The following NAALADL2 variants were observed in gnomAD, a reference collection of about 807,000 sequenced individuals.
The protein encoded by NAALADL2 is N-acetylated alpha-linked acidic dipeptidase like 2, also known as inactive N-acetylated-alpha-linked acidic dipeptidase-like protein 2.
In NAALADL2, 76 loss-of-function variants were observed where a neutral mutation model predicts 87.2. That is an observed-to-expected ratio of 0.87 (90% CI 0.72 to 1.05). NAALADL2 has a LOEUF of 1.05. NAALADL2 is among the 50% of genes least tolerant of loss of function. The probability of loss-of-function intolerance (pLI) is 0.00; values close to 1 mark genes in which losing one functional copy is unlikely to be tolerated. For synonymous variants in NAALADL2, 354 were observed against 331.0 expected (o/e 1.07, Z -0.75); for missense variants, 1,089 against 945.8 (o/e 1.15, Z -1.99).
intron 11 of NAALADL2, among the ~76,000 whole-genome samples, chr3:175,661,667 G>T (rs1300303691): frequency 6.6e-6 from 1 of 151,858 alleles, no homozygotes; most frequent in East Asian, 1.9e-4. Flanking sequence ...GTTGATATTT[G>T]TGTATATGGT....
At chr3:175,193,452 G>T (rs1738508421) in intron 2 of NAALADL2, among the ~76,000 whole-genome samples, 1 of 151,598 alleles carries the variant, frequency 6.6e-6, no homozygotes, top group East Asian at 1.9e-4. Flanking sequence ...CTACTTTCAG[G>T]CCAAAAAATG....
intron 1 of NAALADL2, among the ~76,000 whole-genome samples, chr3:174,996,365 C>T (rs886432684): frequency 1.3e-5 from 2 of 151,832 alleles, no homozygotes; most frequent in African/African-American, 4.8e-5. Flanking sequence ...GGCGTGGTGG[C>T]AGGTGCCTGT....
intron 1 of NAALADL2, among the ~76,000 whole-genome samples, chr3:174,897,121 G>A (rs142414065): frequency 2.6e-4 from 39 of 152,224 alleles, no homozygotes; most frequent in African/African-American, 8.9e-4. Context: ...GACTTTTTGA[G>A]CAATACCCCA....
Position 175,302,425 on chromosome 3 carries a change from T to G in NAALADL2, c.940-21750T>G, listed in dbSNP as rs1335168719. Reference sequence around the variant, plus strand: ...TTTACAATAATAATTATGATTCATCTGGCACTCTAGTAAACTTTTTCAATA... The same window carrying G: ...TTTACAATAATAATTATGATTCATCGGGCACTCTAGTAAACTTTTTCAATA... On this transcript the variant is annotated intron_variant, in intron 4 of 13. Transcript: ENST00000454872. Among the ~76,000 whole-genome samples the G allele has an allele frequency of 2.0e-5, 3 of 152,194 alleles. No homozygotes were observed. In the South Asian group the frequency reaches 6.2e-4, roughly 32 times the overall value.
Position 175,729,377 on chromosome 3 carries a change from G to T in NAALADL2, c.1897-7929G>T, listed in dbSNP as rs1561046598. On this transcript the variant is annotated intron_variant, in intron 11 of 13. Transcript: ENST00000454872. ...GCATGTGTTAAAGTGAATTAACAAT[G>T]GCCTGAGAAGGACTCTGTACTTCTA... Among the ~76,000 whole-genome samples the T allele has an allele frequency of 2.0e-5, 3 of 152,112 alleles. No homozygotes were observed. In the East Asian group the frequency reaches 5.8e-4, roughly 29 times the overall value.
At chr3:175,534,820 A>G (rs1734584417) in intron 9 of NAALADL2, among the ~76,000 whole-genome samples, 2 of 151,992 alleles carry the variant, frequency 1.3e-5, no homozygotes, top group African/African-American at 4.8e-5. Flanking sequence ...TCTTAGAGTC[A>G]GGTTTGTTCC....
In NAALADL2 at chr3:175,090,848, A is replaced by G. The variant is rs546802312; in HGVS notation, c.44-5942A>G. On this transcript the variant is annotated intron_variant, in intron 1 of 13. Transcript: ENST00000454872. ...ATCCTATTTAATCTATTAGTGAAGC[A>G]TGAGCAACAAATAATTATTTCTTTT... 2.6e-4 allele frequency among the ~76,000 whole-genome samples: 28 copies of G among 106,858 alleles called. No homozygotes were observed. In the South Asian group the frequency reaches 7.4e-3, roughly 28 times the overall value. 70.1% of individuals were successfully genotyped at this position (106,858 alleles called of 152,430 possible).
intron 1 of NAALADL2, among the ~76,000 whole-genome samples, chr3:174,457,070 A>G (rs192775056): frequency 6.6e-6 from 1 of 152,294 alleles, no homozygotes; most frequent in African/African-American, 2.4e-5. Context: ...TTCAAAAGAT[A>G]GGATACATAT....
chr3:174,533,827 G>A (rs1376861126), intron 1 of NAALADL2, among the ~76,000 whole-genome samples: 1 of 152,044 alleles, frequency 6.6e-6, no homozygotes, highest in African/African-American at 2.4e-5. Flanking sequence ...AAAGAAAAGA[G>A]AGGACATTTC....
intron 2 of NAALADL2, among the ~76,000 whole-genome samples, chr3:174,584,322 A>G (rs1402367004): frequency 1.3e-5 from 2 of 152,210 alleles, no homozygotes; most frequent in African/African-American, 4.8e-5. Context: ...CACTGGGTGT[A>G]GGGTGTAGAG....
At chr3:174,880,822 C>A (rs897634279) in intron 1 of NAALADL2, among the ~76,000 whole-genome samples, 4 of 152,078 alleles carry the variant, frequency 2.6e-5, no homozygotes, top group African/African-American at 9.7e-5. Context: ...TTCTGAAGGG[C>A]AGAAATCTGA....
chr3:175,108,601 A>G lies in NAALADL2; in HGVS notation c.545+11310A>G, dbSNP rs536154280. On this transcript the variant is annotated intron_variant, in intron 2 of 13. Transcript: ENST00000454872. ...TCATATTAACTCTATTCTGTAGGGA[A>G]AAACTTGTAAGATCAGCTTGTACCA... is the stretch of plus-strand genomic sequence containing the variant. Among the ~76,000 whole-genome samples, 16 of 152,098 alleles carry G rather than the reference A, an allele frequency of 1.1e-4. No individual in the cohort carries two copies. The East Asian group carries it at 3.1e-3, about 29-fold the overall frequency.
intron 9 of NAALADL2, among the ~76,000 whole-genome samples, chr3:175,550,300 A>G (rs1052681514): frequency 1.3e-5 from 2 of 152,130 alleles, no homozygotes; most frequent in South Asian, 2.1e-4. Context: ...GTTCCACTAC[A>G]CTGGAGACCT....
chr3:175,768,654 A>G (rs1437826148), intron 13 of NAALADL2, among the ~76,000 whole-genome samples: 1 of 152,218 alleles, frequency 6.6e-6, no homozygotes, highest in African/African-American at 2.4e-5. Flanking sequence ...ATTTGAGACC[A>G]GCATGGCTAA....
intron 5 of NAALADL2, among the ~76,000 whole-genome samples, chr3:175,442,249 C>T (rs986757595): frequency 5.9e-5 from 9 of 152,000 alleles, no homozygotes; most frequent in Non-Finnish European, 1.2e-4. Flanking sequence ...CTGGCCAACA[C>T]TGACTTTTCA....
At chr3:174,539,315 A>G (rs1722010869) in intron 1 of NAALADL2, among the ~76,000 whole-genome samples, 1 of 152,214 alleles carries the variant, frequency 6.6e-6, no homozygotes, top group South Asian at 2.1e-4. Context: ...CATATATTAG[A>G]AGATAATGTA....
intron 1 of NAALADL2, among the ~76,000 whole-genome samples, chr3:174,863,044 C>A (rs565791754): frequency 1.3e-5 from 2 of 152,164 alleles, no homozygotes; most frequent in African/African-American, 4.8e-5. Context: ...TTTGCCATCA[C>A]AGTTAGGAAA....
chr3:174,861,690 C>T (rs1228953741), intron 1 of NAALADL2, among the ~76,000 whole-genome samples: 1 of 151,930 alleles, frequency 6.6e-6, no homozygotes, highest in East Asian at 1.9e-4. Context: ...TTTCTAAGGC[C>T]ATGTATCTAG....
chr3:175,171,142 A>G (rs1029073168), intron 2 of NAALADL2, among the ~76,000 whole-genome samples: 1 of 151,984 alleles, frequency 6.6e-6, no homozygotes, highest in African/African-American at 2.4e-5. Flanking sequence ...AACCCTTAAG[A>G]ACTCATACAA....
Sources: allele counts gnomAD v4.1 joint callset (sites outside exome capture counted in the v4.1 genomes callset), GRCh38; gene constraint gnomAD v4.1.1; transcripts MANE v1.5; gene names NCBI Gene and HGNC (gene_info 2026-07-23, HGNC 2026-07-21).